The following UACA variants were observed in gnomAD, a reference collection of about 807,000 sequenced individuals.
UACA encodes the protein nuclear membrane binding protein.
UACA carries 112 observed loss-of-function variants against 160.5 expected under a neutral mutation model. The ratio of observed to expected loss-of-function variants is 0.70; its 90% CI spans 0.60 to 0.82. The LOEUF (loss-of-function observed/expected upper bound fraction) is 0.82, where lower values mean the gene tolerates loss of function less well. Ranked by LOEUF, UACA falls within the 40% of genes least tolerant of loss-of-function variation. The pLI is 0.00. For missense variants in UACA, 1,574 were observed against 1,614.6 expected (o/e 0.97, Z 0.43); for synonymous variants, 557 against 568.4 (o/e 0.98, Z 0.29).
the UACA span, among the ~76,000 whole-genome samples, chr15:70,771,941 TG>T: frequency 6.6e-6 from 1 of 152,142 alleles, no homozygotes; most frequent in South Asian, 2.1e-4. Context: ...AGAGACAGGC[TG>T]GGGCCAGCAC....
intron 1 of UACA, chr15:70,749,250 G>GGC: frequency 2.3e-6 from 1 of 438,374 alleles, no homozygotes; most frequent in Non-Finnish European, 4.6e-6. Flanking sequence ...AACAGGGCCG[G>GGC]GCGCGGTGGC....
chr15:70,724,989 G>A (rs1160572053), intron 1 of UACA, among the ~76,000 whole-genome samples: 3 of 151,876 alleles, frequency 2.0e-5, no homozygotes, highest in Non-Finnish European at 4.4e-5. Flanking sequence ...CTACACCAGA[G>A]GCTAAGTTGG....
intron 1 of UACA, among the ~76,000 whole-genome samples, chr15:70,729,337 T>C (rs1380637397): frequency 1.3e-5 from 2 of 152,136 alleles, no homozygotes; most frequent in Admixed American, 1.3e-4. Context: ...ATATATACCA[T>C]GGAATACTAC....
At chr15:70,682,069 C>T (rs1249011941) in intron 9 of UACA, 2 of 152,192 alleles carry the variant, frequency 1.3e-5, no homozygotes, top group Non-Finnish European at 2.9e-5. Context: ...GCTGCCTACA[C>T]TAGCTTTTGA....
At chr15:70,671,182 A>G in intron 14 of UACA, 91 bp from the exon 15 acceptor site, 1 of 938,312 alleles carries the variant, frequency 1.1e-6, no homozygotes, top group Non-Finnish European at 1.6e-6. Flanking sequence ...TTTATTATTC[A>G]AATAAAAGAG....
At chr15:70,720,596 G>A (rs1898959792) in intron 1 of UACA, among the ~76,000 whole-genome samples, 2 of 152,176 alleles carry the variant, frequency 1.3e-5, no homozygotes, top group African/African-American at 2.4e-5. Flanking sequence ...AATCTACATA[G>A]ATAAAAGACG....
intron 1 of UACA, among the ~76,000 whole-genome samples, chr15:70,710,323 T>C (rs963563170): frequency 3.9e-5 from 6 of 152,202 alleles, no homozygotes; most frequent in Non-Finnish European, 7.3e-5. Context: ...TTATTTATAA[T>C]TGCATATAAG....
At chr15:70,706,127 A>G (rs1047617326) in intron 1 of UACA, among the ~76,000 whole-genome samples, 1 of 152,204 alleles carries the variant, frequency 6.6e-6, no homozygotes, top group Admixed American at 6.5e-5. Flanking sequence ...GTTTCAATAT[A>G]TGAAATTCAT....
chr15:70,659,702 A>G (rs1896633717), intron 18 of UACA, among the ~76,000 whole-genome samples: 1 of 152,028 alleles, frequency 6.6e-6, no homozygotes, highest in African/African-American at 2.4e-5. Flanking sequence ...GGCTTTACCA[A>G]GCCAAGTTAA....
At chr15:70,709,568 AAG>A (rs1007105737) in intron 1 of UACA, among the ~76,000 whole-genome samples, 6 of 152,206 alleles carry the variant, frequency 3.9e-5, no homozygotes, top group African/African-American at 1.4e-4. Context: ...TATAAATGAA[AAG>A]AGATACCCCA....
chr15:70,704,703 T>C (rs1000764530), intron 1 of UACA, among the ~76,000 whole-genome samples: 3 of 152,246 alleles, frequency 2.0e-5, no homozygotes, highest in South Asian at 2.1e-4. Flanking sequence ...GCATGGTAGA[T>C]GTTTATGCCC....
chr15:70,675,981 A>C (rs1028686180), intron 13 of UACA, among the ~76,000 whole-genome samples: 1 of 152,182 alleles, frequency 6.6e-6, no homozygotes, highest in African/African-American at 2.4e-5. Context: ...TGTTCTTTAT[A>C]AATTTTCTTT....
intron 1 of UACA, among the ~76,000 whole-genome samples, chr15:70,751,865 C>CT (rs1223965979): frequency 6.6e-6 from 1 of 152,040 alleles, no homozygotes; most frequent in African/African-American, 2.4e-5. Flanking sequence ...TCATAAAGTG[C>CT]TTTTTTAAAA....
At chr15:70,739,578 T>G (rs1899467518) in intron 1 of UACA, among the ~76,000 whole-genome samples, 1 of 152,204 alleles carries the variant, frequency 6.6e-6, no homozygotes, top group South Asian at 2.1e-4. Flanking sequence ...CAAACTTTAT[T>G]TACAGGCATG....
chr15:70,696,331 C>A (rs920717918), intron 2 of UACA, among the ~76,000 whole-genome samples: 1 of 152,130 alleles, frequency 6.6e-6, no homozygotes, highest in African/African-American at 2.4e-5. Context: ...ACTATAAACT[C>A]AATGAAAGCA....
At chr15:70,772,448 G>A in the UACA span, among the ~76,000 whole-genome samples, 2 of 146,592 alleles carry the variant, frequency 1.4e-5, no homozygotes, top group South Asian at 2.2e-4. Context: ...AGCCAAGGTT[G>A]CGCCACTGCA....
At chr15:70,702,527 C>T (rs1308724572) in intron 1 of UACA, among the ~76,000 whole-genome samples, 1 of 152,052 alleles carries the variant, frequency 6.6e-6, no homozygotes, top group Non-Finnish European at 1.5e-5. Context: ...ATATAAAAAC[C>T]AATTGTGTGA....
chr15:70,660,849 ATT>A (rs1397946502), intron 17 of UACA: 3 of 152,300 alleles, frequency 2.0e-5, no homozygotes, highest in Admixed American at 2.0e-4. Context: ...ATTACAACAT[ATT>A]GTTATAATTG....
chr15:70,674,217 G>A (rs1227496148), intron 13 of UACA, among the ~76,000 whole-genome samples: 2 of 152,120 alleles, frequency 1.3e-5, no homozygotes, highest in Admixed American at 6.6e-5. Flanking sequence ...CATATAAAGT[G>A]GGACCTGTAA....
Sources: allele counts gnomAD v4.1 joint callset (sites outside exome capture counted in the v4.1 genomes callset), GRCh38; gene constraint gnomAD v4.1.1; transcripts MANE v1.5; gene names NCBI Gene and HGNC (gene_info 2026-07-23, HGNC 2026-07-21).